PPM1F: variants seen among roughly 807,000 people sequenced by gnomAD.
PPM1F encodes protein phosphatase 1F.
Under a neutral mutation model 35.5 loss-of-function variants are expected in PPM1F, and 17 were observed. That is an observed-to-expected ratio of 0.48 (90% CI 0.33 to 0.72). The LOEUF (loss-of-function observed/expected upper bound fraction) is 0.72, where lower values mean the gene tolerates loss of function less well. Ranked by LOEUF, PPM1F falls within the 30% of genes least tolerant of loss-of-function variation. The pLI is 0.02. For synonymous variants in PPM1F, 241 were observed against 255.5 expected (o/e 0.94, Z 0.54); for missense variants, 521 against 613.0 (o/e 0.85, Z 1.59).
intron 2 of PPM1F, chr22:21,941,382 G>A (rs2083564): frequency 0.043 from 6,540 of 152,658 alleles, 318 homozygotes; most frequent in East Asian, 0.22. Flanking sequence ...AGACAGAGTC[G>A]GGCAGTATAA....
intron 6 of PPM1F, among the ~76,000 whole-genome samples, chr22:21,929,047 C>A (rs12485119): frequency 0.013 from 1,963 of 152,312 alleles, 118 homozygotes; most frequent in Admixed American, 0.11. Context: ...ACGCACTCCC[C>A]CCACGTACTC....
chr22:21,938,117 C>T, intron 3 of PPM1F: 1 of 1,299,448 alleles, frequency 7.7e-7, no homozygotes, highest in Non-Finnish European at 1.0e-6. Flanking sequence ...AGACTTCCTT[C>T]TAGCTGCGCC....
rs1023473277 is a variant in PPM1F, at chr22:21,930,523, G to A, written c.891+625C>T. On this transcript the variant is annotated intron_variant, in intron 6 of 7. Transcript: ENST00000263212. ...CAAGAAAGGATGGGTGCTCCTATGT[G>A]CTGACGTAGAATTATCCACCATGTG... 2.6e-5 allele frequency among the ~76,000 whole-genome samples: 4 copies of A among 152,332 alleles called. No homozygotes were observed. The East Asian group carries it at 5.8e-4, about 22-fold the overall frequency.
At chr22:21,952,676 TGA>T (rs2070853584) in intron 1 of PPM1F, 114 bp downstream of exon 1, 1 of 152,346 alleles carries the variant, frequency 6.6e-6, no homozygotes, top group Non-Finnish European at 1.5e-5. Flanking sequence ...CCCAGCCCTC[TGA>T]TTCCACCCCT....
intron 6 of PPM1F, among the ~76,000 whole-genome samples, chr22:21,929,371 G>A (rs2070561022): frequency 6.6e-6 from 1 of 152,294 alleles, no homozygotes; most frequent in African/African-American, 2.4e-5. Context: ...TGCTCCACAT[G>A]CACTGGGACA....
At chr22:21,928,859 G>GT (rs2070552412) in intron 6 of PPM1F, among the ~76,000 whole-genome samples, 1 of 151,900 alleles carries the variant, frequency 6.6e-6, no homozygotes, top group South Asian at 2.1e-4. Context: ...GCCTCATCCT[G>GT]CCAGGTCCTT....
rs1346238776 is a variant in PPM1F, at chr22:21,923,347, T to C, written c.1110A>G (p.Glu370=). 2 of 1,613,704 alleles carry C rather than the reference T, an allele frequency of 1.2e-6. No individual in the cohort carries two copies. The highest frequency in any genetic ancestry group is 1.7e-6 in the Non-Finnish European group (2 of 1,179,944). The change falls in exon 8 of 8, where the codon GAA becomes GAG. Residue 370 remains glutamate (E), a synonymous_variant. Coordinates refer to ENST00000263212, the MANE Select transcript of PPM1F (RefSeq NM_014634.4). ...GGTGGCTCTGGACCAGGCCAACAAC[T>C]TCCTGGTGGGGTACGACGTCAAAGA... ...DGFFDVVPHQ[E]VVGLVQSHLT...
At chr22:21,938,312 G>A in intron 3 of PPM1F, 2 of 1,221,502 alleles carry the variant, frequency 1.6e-6, no homozygotes, top group Admixed American at 3.1e-5. Context: ...AGGAGCAGCA[G>A]CTGCCACCGG....
chr22:21,927,937 G>GTTTTTTTTTTT (rs1392008034), intron 6 of PPM1F, among the ~76,000 whole-genome samples: 8 of 68,098 alleles, frequency 1.2e-4, no homozygotes, highest in East Asian at 6.1e-4. Flanking sequence ...TCTGTTTTTT[G>GTTTTTTTTTTT]TTTTGTTTTT....
chr22:21,948,611 G>C (rs1015921302), intron 1 of PPM1F: 3 of 152,294 alleles, frequency 2.0e-5, no homozygotes, highest in African/African-American at 4.8e-5. Context: ...CTGGCCCCTG[G>C]AGCTTCTGGG....
intron 1 of PPM1F, 26 bp from the exon 2 acceptor site, chr22:21,946,134 G>T: frequency 8.6e-7 from 1 of 1,160,502 alleles, no homozygotes; most frequent in Non-Finnish European, 1.2e-6. Context: ...AGAGTCAGCA[G>T]AATCAGGGGG....
chr22:21,945,505 GA>G (rs1462881127), intron 2 of PPM1F: 3 of 298,030 alleles, frequency 1.0e-5, no homozygotes, highest in Non-Finnish European at 1.9e-5. Context: ...TAGGAGGAAT[GA>G]GTCTACAAGC....
Position 21,926,470 on chromosome 22 carries a change from C to G in PPM1F, c.892-808G>C, listed in dbSNP as rs1810776490. Among the ~76,000 whole-genome samples, 3 of 152,124 alleles carry G rather than the reference C, an allele frequency of 2.0e-5. No homozygotes were observed. In the South Asian group the frequency reaches 6.2e-4, roughly 32 times the overall value. On this transcript the variant is annotated intron_variant, in intron 6 of 7. Coordinates refer to ENST00000263212, the MANE Select transcript of PPM1F (RefSeq NM_014634.4). ...CCTCTACCCAAGCTCAGCACAGGCA[C>G]AGTCTCCACTCAGCTGGGGACCACA...
intron 2 of PPM1F, 81 bp downstream of exon 2, chr22:21,945,762 A>C: frequency 7.1e-7 from 1 of 1,411,342 alleles, no homozygotes; most frequent in Admixed American, 1.9e-5. Flanking sequence ...CTGGACGTGT[A>C]GGGGAGCAGC....
rs2070628955 is a variant in PPM1F, at chr22:21,934,080, T to G, written c.502A>C (p.Lys168Gln). The change falls in exon 4 of 8, where the codon AAG becomes CAG. Residue 168 changes from lysine to glutamine, a missense_variant. Physicochemically the swap from Lys to Gln is moderately conservative, Grantham distance 53 (BLOSUM62 1). This residue lies in a region of PPM1F where 311 missense variants were observed against 351.5 expected (regional missense o/e 0.88). Coordinates refer to ENST00000263212, the MANE Select transcript of PPM1F (RefSeq NM_014634.4). ...SIHAIRNTRRKMEDRHVSLPS... is the reference protein window; with the variant it reads ...SIHAIRNTRRQMEDRHVSLPS... ...AGGGACACGTGCCGGTCCTCCATCT[T>G]GCGGCGAGTGTTCCGGATGGCGTGG... The G allele has an allele frequency of 6.4e-6, 10 of 1,564,896 alleles. No individual in the cohort carries two copies. The highest frequency in any genetic ancestry group is 8.7e-6 in the Non-Finnish European group (10 of 1,154,662).
intron 6 of PPM1F, among the ~76,000 whole-genome samples, chr22:21,928,160 C>G (rs1391201077): frequency 6.6e-6 from 1 of 151,992 alleles, no homozygotes; most frequent in East Asian, 1.9e-4. Flanking sequence ...AACAGCTTCC[C>G]AGGTCAAAGC....
chr22:21,951,033 T>A (rs949369189), intron 1 of PPM1F: 2 of 152,226 alleles, frequency 1.3e-5, no homozygotes, highest in African/African-American at 4.8e-5. Context: ...AAATTTTTTT[T>A]ATTGTTGTAA....
intron 3 of PPM1F, chr22:21,938,226 C>A: frequency 7.7e-7 from 1 of 1,302,996 alleles, no homozygotes; most frequent in Non-Finnish European, 1.0e-6. Flanking sequence ...CTGTCTCCCG[C>A]GTGGACGGAC....
Position 21,922,286 on chromosome 22 carries a change from A to C in PPM1F, c.*806T>G, listed in dbSNP as rs1020506423. On this transcript the variant is annotated 3_prime_UTR_variant, in exon 8 of 8. Transcript: ENST00000263212. ...AGTAAATACTTAAGTTTTCTAAAGA[A>C]TAAAATAAATGCTAAGCTCTGCTTA... 1 of 152,636 alleles carries C rather than the reference A, an allele frequency of 6.6e-6. No homozygotes were observed. Among genetic ancestry groups the C allele is most frequent in the African/African-American group, 2.4e-5 (1 of 41,470 alleles). The allele number at this position is 152,636 out of a possible 1,614,324, so 9.5% of individuals were successfully genotyped here.
Sources: gnomAD v4.1 joint callset for allele counts (sites outside exome capture counted in the v4.1 genomes callset) on GRCh38, gnomAD v4.1.1 for gene constraint, gnomAD v4.1.1 regional missense constraint, MANE v1.5 for transcripts, NCBI Gene and HGNC (gene_info 2026-07-23, HGNC 2026-07-21) for gene names.